Variants in GPI observed in about 807,000 individuals in gnomAD.
GPI encodes glucose-6-phosphate isomerase.
Under a neutral mutation model 75.8 loss-of-function variants are expected in GPI, and 56 were observed. That is an observed-to-expected ratio of 0.74 (90% CI 0.60 to 0.92). The LOEUF (loss-of-function observed/expected upper bound fraction) is 0.92, where lower values mean the gene tolerates loss of function less well. GPI is among the 40% of genes least tolerant of loss of function. The probability of loss-of-function intolerance (pLI) is 0.00; values close to 1 mark genes in which losing one functional copy is unlikely to be tolerated. For synonymous variants in GPI, 288 were observed against 285.4 expected, an observed-to-expected ratio of 1.01 and a Z score of -0.09; for missense variants, 638 against 741.0, an observed-to-expected ratio of 0.86 and a Z score of 1.61.
At chr19:34,361,560 C>T (rs1363121996), upstream of GPI, among the ~76,000 whole-genome samples, 6 of 152,100 alleles carry the variant, frequency 3.9e-5, no homozygotes, top group African/African-American at 7.2e-5. Context: ...TGATGAATGG[C>T]TTTGGATTAG....
At chr19:34,383,123 C>G (rs8191397) in intron 9 of GPI, among the ~76,000 whole-genome samples, 3 of 152,036 alleles carry the variant, frequency 2.0e-5, no homozygotes, top group Non-Finnish European at 4.4e-5. Flanking sequence ...GCCAGTTTTG[C>G]GGCAGCCATG....
intron 4 of GPI, among the ~76,000 whole-genome samples, chr19:34,376,545 C>T (rs1199659080): frequency 2.8e-5 from 4 of 141,816 alleles, no homozygotes; most frequent in East Asian, 2.0e-4. Flanking sequence ...GCCTGGGCGA[C>T]GGAGTGAGAC....
rs201969486 is a variant in GPI, at chr19:34,368,547, G to C, written c.283-36G>C. 1,187 of 1,613,290 alleles carry C rather than the reference G, an allele frequency of 7.4e-4. 2 individuals are homozygous for C. Among genetic ancestry groups the C allele is most frequent in the Non-Finnish European group, 8.7e-4 (1,030 of 1,179,276 alleles). ...TGGGAGCATGGCTGCCTGGGGTTGG[G>C]GGGGGCAGTCTTTATATCCTGACCG... On this transcript the variant is annotated intron_variant, in intron 3 of 17. Coordinates refer to ENST00000356487, the MANE Select transcript of GPI (RefSeq NM_000175.5).
At chr19:34,370,234 G>C (rs1316167171) in intron 4 of GPI, among the ~76,000 whole-genome samples, 3 of 152,202 alleles carry the variant, frequency 2.0e-5, no homozygotes, top group African/African-American at 7.2e-5. Context: ...GATTCTGCAG[G>C]GGTGGGTTGG....
chr19:34,391,471 T>A (rs1568344334), intron 9 of GPI, among the ~76,000 whole-genome samples: 1 of 752 alleles, frequency 1.3e-3, no homozygotes, highest in African/African-American at 4.1e-3. Context: ...AATGAGGAGA[T>A]GTGTCTTCCA....
chr19:34,391,075 C>T (rs112151670), intron 9 of GPI, among the ~76,000 whole-genome samples: 1,834 of 150,688 alleles, frequency 0.012, 16 homozygotes, highest in South Asian at 0.032. Context: ...GGATCTGCGT[C>T]TTCCAGTGTT....
chr19:34,397,942 A>G (rs2145432906), intron 14 of GPI: 1 of 151,946 alleles, frequency 6.6e-6, no homozygotes, highest in Non-Finnish European at 1.5e-5. Flanking sequence ...GCTGGAGTGC[A>G]CTGGCCCAAT....
At chr19:34,381,269 T>G in intron 8 of GPI, 197 bp from the exon 9 acceptor site, 1 of 659,980 alleles carries the variant, frequency 1.5e-6, no homozygotes, top group East Asian at 2.7e-5. Context: ...TGGACTGATC[T>G]GGTGTCCAGC....
chr19:34,394,067 G>A lies in GPI; in HGVS notation c.1062+1G>A, dbSNP rs1197627786. The A allele has an allele frequency of 1.9e-6, 3 of 1,608,386 alleles. No individual in the cohort carries two copies. The highest frequency in any genetic ancestry group is 2.5e-6 in the Non-Finnish European group (3 of 1,177,704). On this transcript the variant is annotated splice_donor_variant, in intron 12 of 17. Transcript: ENST00000356487. LOFTEE classifies it high-confidence loss of function. The stretch of plus-strand genomic sequence containing the variant: ...CCGCTTTGCTGCGTACTTCCAGCAG[G>A]TACCAGCTGCCAAGCCAGGCCTTGG...
In GPI at chr19:34,385,539, A is replaced by C. The variant is rs2074722568; in HGVS notation, c.804+4020A>C. Among the ~76,000 whole-genome samples, 2 of 152,118 alleles carry C rather than the reference A, an allele frequency of 1.3e-5. 1 individual carries two copies. The highest frequency in any genetic ancestry group is 4.1e-4 in the South Asian group (2 of 4,826). On this transcript the variant is annotated intron_variant, in intron 9 of 17. Coordinates refer to ENST00000356487, the MANE Select transcript of GPI (RefSeq NM_000175.5). ...ATCAGGTCTGAAGAACGGGAGTTAAACACAGGTGTGTAGAACAGGGTTTGG... is the reference window on the plus strand; with the variant it reads ...ATCAGGTCTGAAGAACGGGAGTTAACCACAGGTGTGTAGAACAGGGTTTGG...
chr19:34,365,325 A>C lies in GPI; in HGVS notation c.59A>C (p.His20Pro), dbSNP rs137853586. The C allele has an allele frequency of 2.5e-6, 4 of 1,591,218 alleles. No homozygotes were observed. The highest frequency in any genetic ancestry group is 3.4e-6 in the Non-Finnish European group (4 of 1,170,856). Residue 20 changes from histidine to proline, a missense_variant, in exon 1 of 18, where the codon CAC (histidine) becomes CCC (proline). By Grantham distance (77) the His-to-Pro change is moderately conservative. Transcript: ENST00000356487. ...AAGCTGCAGCAATGGTACCGCGAGCACCGCTCCGAGCTGAACCTGCGCCGC... is the reference window on the plus strand; with the variant it reads ...AAGCTGCAGCAATGGTACCGCGAGCCCCGCTCCGAGCTGAACCTGCGCCGC... Reference protein sequence around the residue: ...FQKLQQWYREHRSELNLRRLF... With the variant: ...FQKLQQWYREPRSELNLRRLF...
At position 34,366,394 on chromosome 19, in the gene GPI, A is replaced by G; in HGVS notation, c.172A>G (p.Asn58Asp). The G allele has an allele frequency of 6.2e-7, 1 of 1,613,790 alleles. No individual in the cohort carries two copies. Among genetic ancestry groups the G allele is most frequent in the Non-Finnish European group, 8.5e-7 (1 of 1,179,664 alleles). ...HGHILVDYSK[N>D]LVTEDVMRML... ...GCATATCCTGGTGGATTACTCCAAG[A>G]ACCTGGTGACGGAGGACGTGATGCG... Residue 58 changes from asparagine to aspartate, a missense_variant, in exon 2 of 18, where the codon AAC becomes GAC. By Grantham distance (23) the Asn-to-Asp change is conservative. Coordinates refer to ENST00000356487, the MANE Select transcript of GPI (RefSeq NM_000175.5).
Position 34,381,714 on chromosome 19 carries a change from G to T in GPI, c.804+195G>T, listed in dbSNP as rs949616664. 20 of 648,258 alleles carry T rather than the reference G, an allele frequency of 3.1e-5. 1 individual carries two copies. In the South Asian group the frequency reaches 3.2e-4, roughly 10 times the overall value. 40.2% of individuals were successfully genotyped at this position (648,258 alleles called of 1,614,324 possible). On this transcript the variant is annotated intron_variant, in intron 9 of 17. Transcript: ENST00000356487. ...CAGGATGAGGGCTCCACTTCCACCTGAGGGCGGGCTGAGCTTGCAGGGCCA... is the reference window on the plus strand; with the variant it reads ...CAGGATGAGGGCTCCACTTCCACCTTAGGGCGGGCTGAGCTTGCAGGGCCA...
chr19:34,369,433 G>A (rs1465549925), intron 4 of GPI, among the ~76,000 whole-genome samples: 1 of 152,240 alleles, frequency 6.6e-6, no homozygotes, highest in East Asian at 1.9e-4. Context: ...CTGGCTGGGC[G>A]CGATGGCTCA....
chr19:34,365,992 C>T (rs767777763), intron 1 of GPI: 26 of 539,310 alleles, frequency 4.8e-5, no homozygotes, highest in South Asian at 3.1e-4. Context: ...GCGACTGTGG[C>T]TCCGGGCTAG....
At position 34,400,068 on chromosome 19, in the gene GPI, T is replaced by G. The variant is rs894655384; in HGVS notation, c.*32T>G. On this transcript the variant is annotated 3_prime_UTR_variant, in exon 18 of 18. Coordinates refer to ENST00000356487, the MANE Select transcript of GPI (RefSeq NM_000175.5). ...GCTCATCTGCAGCCTCCTCTGTGAC[T>G]CCCCTTTCTCTTCTCGTCCCTCCTC... 1 of 1,602,622 alleles carries G rather than the reference T, an allele frequency of 6.2e-7. No homozygotes were observed. Among genetic ancestry groups the G allele is most frequent in the African/African-American group, 1.3e-5 (1 of 74,786 alleles).
At chr19:34,360,553 A>T (rs574809464), upstream of GPI, among the ~76,000 whole-genome samples, 2 of 152,262 alleles carry the variant, frequency 1.3e-5, no homozygotes, top group Admixed American at 1.3e-4. Context: ...AGCTATGGTC[A>T]TGCCACCGCA....
At chr19:34,367,596 C>T (rs2074386292) in intron 3 of GPI, among the ~76,000 whole-genome samples, 1 of 152,206 alleles carries the variant, frequency 6.6e-6, no homozygotes, top group Non-Finnish European at 1.5e-5. Flanking sequence ...AAGCCTCTCA[C>T]TGGGTCGGAA....
chr19:34,368,171 A>G (rs898879931), intron 3 of GPI, among the ~76,000 whole-genome samples: 5 of 152,216 alleles, frequency 3.3e-5, no homozygotes, highest in African/African-American at 1.2e-4. Context: ...TCCACCTGCC[A>G]TGGCCTCCCA....
Sources: allele counts gnomAD v4.1 joint callset (sites outside exome capture counted in the v4.1 genomes callset), GRCh38; gene constraint gnomAD v4.1.1; transcripts MANE v1.5; gene names NCBI Gene and HGNC (gene_info 2026-07-23, HGNC 2026-07-21).